ARSB: variants seen among roughly 807,000 people sequenced by gnomAD.
ARSB encodes arylsulfatase B.
Under a neutral mutation model 50.9 loss-of-function variants are expected in ARSB, and 41 were observed. The ratio of observed to expected loss-of-function variants is 0.81; its 90% CI spans 0.63 to 1.04. ARSB has a LOEUF of 1.04. Among genes scored for constraint, ARSB ranks in the 50% least tolerant of loss-of-function variants. The pLI, the probability that ARSB is intolerant of heterozygous loss-of-function variation, is 0.00. For missense variants in ARSB, 672 were observed against 693.3 expected, an observed-to-expected ratio of 0.97 and a Z score of 0.35; for synonymous variants, 269 against 284.8, an observed-to-expected ratio of 0.94 and a Z score of 0.56.
intron 1 of ARSB, among the ~76,000 whole-genome samples, chr5:78,978,862 C>T (rs1752780240): frequency 6.6e-6 from 1 of 152,134 alleles, no homozygotes; most frequent in African/African-American, 2.4e-5. Context: ...AATGTAAAAA[C>T]TGAAAACTAT....
chr5:78,955,358 T>G lies in ARSB; in HGVS notation c.835A>C (p.Asn279His), dbSNP rs1168302129. 1.2e-6 allele frequency: 2 copies of G among 1,614,088 alleles called. No individual in the cohort carries two copies. The highest frequency in any genetic ancestry group is 1.7e-6 in the Non-Finnish European group (2 of 1,180,032). Residue 279 changes from asparagine (N) to histidine (H), a missense_variant, in exon 4 of 8, where the codon AAT (asparagine) becomes CAT (histidine). Physicochemically the swap from Asn to His is moderately conservative, Grantham distance 68. Transcript: ENST00000264914. Reference protein sequence around the residue: ...MVSLMDEAVGNVTAALKSSGL... With the variant: ...MVSLMDEAVGHVTAALKSSGL... ...CTGCTTTTTAAAGCTGCAGTGACATTTCCTACTGCTTCATCCATAAGGGAC... is the reference window on the plus strand; with the variant it reads ...CTGCTTTTTAAAGCTGCAGTGACATGTCCTACTGCTTCATCCATAAGGGAC...
chr5:78,884,606 C>G (rs1747919651), intron 5 of ARSB: 1 of 152,262 alleles, frequency 6.6e-6, no homozygotes, highest in African/African-American at 2.4e-5. Context: ...GCTGTAACAC[C>G]AAACAGAGGT....
intron 5 of ARSB, among the ~76,000 whole-genome samples, chr5:78,869,014 T>C (rs1429474906): frequency 1.3e-5 from 2 of 150,936 alleles, no homozygotes; most frequent in Non-Finnish European, 3.0e-5. Flanking sequence ...GTTGCAATCC[T>C]AGTCTCTGAT....
chr5:78,929,726 G>A (rs1180174050), intron 4 of ARSB, among the ~76,000 whole-genome samples: 3 of 149,734 alleles, frequency 2.0e-5, no homozygotes, highest in East Asian at 2.0e-4. Flanking sequence ...CCTGGGGGCT[G>A]AGATTGCAGT....
intron 4 of ARSB, among the ~76,000 whole-genome samples, chr5:78,939,219 C>A (rs1657618542): frequency 6.6e-6 from 1 of 152,006 alleles, no homozygotes; most frequent in Non-Finnish European, 1.5e-5. Flanking sequence ...AATTACAAAA[C>A]CATCAGCTTT....
chr5:78,952,855 A>T (rs421734), intron 4 of ARSB, among the ~76,000 whole-genome samples: 177 of 151,750 alleles, frequency 1.2e-3, no homozygotes, highest in Non-Finnish European at 2.0e-3. Flanking sequence ...ATGACTTCCA[A>T]TTCTTGCAAC....
At chr5:78,978,495 T>C (rs1580159121) in intron 1 of ARSB, among the ~76,000 whole-genome samples, 1 of 151,994 alleles carries the variant, frequency 6.6e-6, no homozygotes, top group East Asian at 1.9e-4. Flanking sequence ...TTAATAGAAA[T>C]GTACAAGTTG....
chr5:78,862,994 C>CT (rs1561467341), intron 5 of ARSB, among the ~76,000 whole-genome samples: 1 of 152,046 alleles, frequency 6.6e-6, no homozygotes, highest in Non-Finnish European at 1.5e-5. Context: ...AGCCAACAGA[C>CT]GCATGAAAAA....
intron 6 of ARSB, among the ~76,000 whole-genome samples, chr5:78,812,592 AACACAC>A (rs66597603): frequency 0.023 from 3,249 of 144,334 alleles, 116 homozygotes; most frequent in African/African-American, 0.075. Context: ...ATTCTGTTCA[AACACAC>A]ACACACACAC....
chr5:78,799,932 G>A (rs1048986133), intron 6 of ARSB, among the ~76,000 whole-genome samples: 5 of 152,196 alleles, frequency 3.3e-5, no homozygotes, highest in Admixed American at 2.0e-4. Context: ...CCTCTTTCTT[G>A]GGGAAAGAAG....
Position 78,984,918 on chromosome 5 carries a change from CGGCGG to C in ARSB, c.312+14_312+18del. ...AAAGGCGGGGCGGGGGCGGCGCGGG[CGGCGG>C]GGGCGCCGCGTACCTGGTAGCGGCC... On this transcript the variant is annotated intron_variant, in intron 1 of 7. Coordinates refer to ENST00000264914, the MANE Select transcript of ARSB (RefSeq NM_000046.5). The C allele has an allele frequency of 7.6e-7, 1 of 1,313,984 alleles. No homozygotes were observed. Among genetic ancestry groups the C allele is most frequent in the Non-Finnish European group, 9.7e-7 (1 of 1,035,104 alleles). 81.4% of individuals were successfully genotyped at this position (1,313,984 alleles called of 1,614,324 possible).
intron 5 of ARSB, among the ~76,000 whole-genome samples, chr5:78,875,728 C>T (rs1007925381): frequency 2.4e-4 from 36 of 151,688 alleles, no homozygotes; most frequent in Admixed American, 5.9e-4. Context: ...AGTGCAGCGG[C>T]GCAATCTCGG....
At chr5:78,814,955 G>A (rs1743936790) in intron 6 of ARSB, among the ~76,000 whole-genome samples, 1 of 150,548 alleles carries the variant, frequency 6.6e-6, no homozygotes, top group African/African-American at 2.5e-5. Flanking sequence ...GCTATGAATA[G>A]AATGGGTACC....
chr5:78,836,499 T>G (rs1744960615), intron 6 of ARSB, among the ~76,000 whole-genome samples: 1 of 152,188 alleles, frequency 6.6e-6, no homozygotes, highest in African/African-American at 2.4e-5. Flanking sequence ...GCGGCAGTAC[T>G]GGGTCTTATA....
intron 6 of ARSB, among the ~76,000 whole-genome samples, chr5:78,830,196 T>C (rs1361095831): frequency 2.6e-5 from 4 of 152,080 alleles, no homozygotes; most frequent in African/African-American, 9.7e-5. Context: ...AAATAAATGG[T>C]CAGTTGGACA....
chr5:78,939,887 T>C (rs371733194), intron 4 of ARSB, among the ~76,000 whole-genome samples: 7 of 152,150 alleles, frequency 4.6e-5, no homozygotes, highest in African/African-American at 1.2e-4. Context: ...AACTAGTTTA[T>C]AGTCCCACCA....
intron 3 of ARSB, among the ~76,000 whole-genome samples, chr5:78,955,975 T>C: frequency 6.6e-6 from 1 of 152,330 alleles, no homozygotes; most frequent in Middle Eastern, 3.4e-3. Context: ...AAGAAACATT[T>C]TGGCAGTTCC....
intron 4 of ARSB, among the ~76,000 whole-genome samples, chr5:78,915,069 G>C (rs1486556985): frequency 2.0e-5 from 3 of 152,198 alleles, no homozygotes; most frequent in Non-Finnish European, 4.4e-5. Context: ...TGTTCCTTAT[G>C]TGTGTATTTT....
intron 6 of ARSB, among the ~76,000 whole-genome samples, chr5:78,808,794 T>C (rs553224254): frequency 2.0e-5 from 3 of 152,342 alleles, no homozygotes; most frequent in East Asian, 1.9e-4. Context: ...GCCCCCACCC[T>C]GTTTGCAGTG....
Sources: gnomAD v4.1 joint callset for allele counts (sites outside exome capture counted in the v4.1 genomes callset) on GRCh38, gnomAD v4.1.1 for gene constraint, MANE v1.5 for transcripts, NCBI Gene and HGNC (gene_info 2026-07-23, HGNC 2026-07-21) for gene names.